PLEKHA7: variants seen among roughly 807,000 people sequenced by gnomAD.
PLEKHA7 encodes pleckstrin homology domain containing A7, also known as pleckstrin homology domain-containing family A member 7.
PLEKHA7 carries 104 observed loss-of-function variants against 170.0 expected under a neutral mutation model. The observed-to-expected ratio is 0.61, with a 90% CI of 0.52 to 0.72. PLEKHA7 has a LOEUF of 0.72. Ranked by LOEUF, PLEKHA7 falls within the 30% of genes least tolerant of loss-of-function variation. The pLI, the probability that PLEKHA7 is intolerant of heterozygous loss-of-function variation, is 0.00. For missense variants in PLEKHA7, 1,615 were observed against 1,671.7 expected (o/e 0.97, Z 0.59); for synonymous variants, 648 against 660.8 (o/e 0.98, Z 0.30).
intron 3 of PLEKHA7, among the ~76,000 whole-genome samples, chr11:16,954,881 G>A (rs1001640055): frequency 1.2e-4 from 18 of 152,010 alleles, no homozygotes; most frequent in African/African-American, 3.6e-4. Context: ...TATTAGAGAC[G>A]GGGTTTCACT....
intron 10 of PLEKHA7, among the ~76,000 whole-genome samples, chr11:16,823,821 A>C (rs188074048): frequency 7.6e-4 from 116 of 152,330 alleles, no homozygotes; most frequent in African/African-American, 2.7e-3. Flanking sequence ...TTATTGTAGC[A>C]TTATTCACAA....
intron 3 of PLEKHA7, among the ~76,000 whole-genome samples, chr11:16,892,089 A>T (rs1382943380): frequency 6.6e-6 from 1 of 152,210 alleles, no homozygotes; most frequent in East Asian, 1.9e-4. Flanking sequence ...CCTGGGCCAA[A>T]TAAATCATCT....
chr11:16,802,986 G>C lies in PLEKHA7; in HGVS notation c.2143C>G (p.Leu715Val), dbSNP rs772502785. The C allele has an allele frequency of 6.2e-7, 1 of 1,613,304 alleles. No homozygotes were observed. Among genetic ancestry groups the C allele is most frequent in the East Asian group, 2.2e-5 (1 of 44,886 alleles). Residue 715 changes from leucine (L) to valine (V), a missense_variant, in exon 15 of 27, where the codon CTT (leucine) becomes GTT (valine). Leu to Val is a conservative substitution (Grantham distance 32). Coordinates refer to ENST00000531066, the MANE Select transcript of PLEKHA7 (RefSeq NM_001329630.2). ...CTGACACGTACTTTGTTCTCTTTAA[G>C]GGCTCGTATCTTGTCTTCCAAGTCC... Reference protein sequence around the residue: ...LQDLEDKIRALKENKDQLESV... With the variant: ...LQDLEDKIRAVKENKDQLESV...
chr11:16,932,115 C>T (rs1350290019), intron 3 of PLEKHA7, among the ~76,000 whole-genome samples: 2 of 152,020 alleles, frequency 1.3e-5, no homozygotes, highest in Non-Finnish European at 2.9e-5. Flanking sequence ...AGCTGGGGGA[C>T]CCTGGATAAT....
chr11:16,808,251 G>A, intron 13 of PLEKHA7, among the ~76,000 whole-genome samples: 1 of 152,170 alleles, frequency 6.6e-6, no homozygotes, highest in East Asian at 1.9e-4. Context: ...CAGTCTCTAA[G>A]GGGTAGGACC....
At chr11:16,782,233 A>G (rs1373850339) in intron 26 of PLEKHA7, among the ~76,000 whole-genome samples, 1 of 152,054 alleles carries the variant, frequency 6.6e-6, no homozygotes, top group Non-Finnish European at 1.5e-5. Flanking sequence ...GCAAAGTCCC[A>G]CTTTCCAAGT....
intron 15 of PLEKHA7, among the ~76,000 whole-genome samples, chr11:16,802,389 G>A (rs1040225134): frequency 6.6e-5 from 10 of 152,104 alleles, no homozygotes; most frequent in African/African-American, 2.4e-4. Context: ...TGCTTCCCTG[G>A]GGTTCAGGGA....
intron 3 of PLEKHA7, among the ~76,000 whole-genome samples, chr11:16,961,198 C>A (rs911834577): frequency 4.6e-5 from 7 of 152,322 alleles, no homozygotes; most frequent in Admixed American, 1.3e-4. Context: ...CCCAAACCAC[C>A]CTGTCCCCAT....
intron 3 of PLEKHA7, among the ~76,000 whole-genome samples, chr11:16,952,739 A>T (rs61708002): frequency 0.017 from 2,616 of 152,302 alleles, 89 homozygotes; most frequent in African/African-American, 0.061. Flanking sequence ...TGAAATCTAA[A>T]ATGTTTCAAT....
At chr11:16,990,286 A>AC (rs1361261424) in intron 3 of PLEKHA7, among the ~76,000 whole-genome samples, 2 of 108,218 alleles carry the variant, frequency 1.8e-5, no homozygotes, top group African/African-American at 3.8e-5. Context: ...AAAAAAAAAA[A>AC]AAAAAAAAAA....
intron 3 of PLEKHA7, among the ~76,000 whole-genome samples, chr11:16,895,481 TC>T (rs1380913755): frequency 2.6e-5 from 4 of 152,176 alleles, no homozygotes; most frequent in Non-Finnish European, 5.9e-5. Flanking sequence ...CCTTTCCAGA[TC>T]CAGACTCAGT....
intron 3 of PLEKHA7, among the ~76,000 whole-genome samples, chr11:16,878,084 T>A (rs1285608838): frequency 6.6e-6 from 1 of 152,206 alleles, no homozygotes; most frequent in African/African-American, 2.4e-5. Flanking sequence ...TTAACATCAC[T>A]ATGACCTTGG....
intron 3 of PLEKHA7, among the ~76,000 whole-genome samples, chr11:16,939,663 T>A (rs1204220558): frequency 6.6e-6 from 1 of 152,224 alleles, no homozygotes; most frequent in Non-Finnish European, 1.5e-5. Flanking sequence ...ATGCAGATGC[T>A]GTCACTCACA....
chr11:16,904,846 A>C (rs577480372), intron 3 of PLEKHA7, among the ~76,000 whole-genome samples: 1 of 152,356 alleles, frequency 6.6e-6, no homozygotes, highest in East Asian at 1.9e-4. Flanking sequence ...ACGCAATGTT[A>C]ACTGAAAAAG....
chr11:16,778,874 G>C lies in PLEKHA7; in HGVS notation c.*124C>G. On this transcript the variant is annotated 3_prime_UTR_variant, in exon 27 of 27. Transcript: ENST00000531066. ...GGTGAACACCCGCAGTCGGTAAGCT[G>C]CTCCTTCCTCCGGCCGGATTCCCTG... is the stretch of plus-strand genomic sequence containing the variant. The C allele has an allele frequency of 2.9e-6, 2 of 693,568 alleles. No homozygotes were observed. Among genetic ancestry groups the C allele is most frequent in the South Asian group, 1.5e-5 (1 of 66,428 alleles). 43.0% of individuals were successfully genotyped at this position (693,568 alleles called of 1,614,324 possible).
intron 3 of PLEKHA7, among the ~76,000 whole-genome samples, chr11:16,882,884 A>G (rs1307304480): frequency 6.8e-6 from 1 of 146,514 alleles, no homozygotes; most frequent in African/African-American, 2.5e-5. Flanking sequence ...ACACACACAC[A>G]CACAGAGTTC....
chr11:16,809,870 C>CT (rs1315018710), intron 13 of PLEKHA7, among the ~76,000 whole-genome samples: 2 of 152,246 alleles, frequency 1.3e-5, no homozygotes, highest in Non-Finnish European at 2.9e-5. Flanking sequence ...GTCTCTATGC[C>CT]TCTCCTGAAT....
chr11:16,925,629 G>A (rs1329172996), intron 3 of PLEKHA7, among the ~76,000 whole-genome samples: 2 of 152,212 alleles, frequency 1.3e-5, no homozygotes, highest in Non-Finnish European at 2.9e-5. Context: ...CGCGAGCCCG[G>A]GCGGGCCACC....
intron 3 of PLEKHA7, among the ~76,000 whole-genome samples, chr11:16,980,985 A>G (rs778666206): frequency 6.6e-6 from 1 of 152,204 alleles, no homozygotes; most frequent in Non-Finnish European, 1.5e-5. Flanking sequence ...CCAAGTACTC[A>G]GCACATAGTA....
Sources: gnomAD v4.1 joint callset for allele counts (sites outside exome capture counted in the v4.1 genomes callset) on GRCh38, gnomAD v4.1.1 for gene constraint, MANE v1.5 for transcripts, NCBI Gene and HGNC (gene_info 2026-07-23, HGNC 2026-07-21) for gene names.